The following LRP1B variants were observed in gnomAD, a reference collection of about 807,000 sequenced individuals.
LRP1B encodes the protein low-density lipoprotein receptor-related protein 1B.
A neutral mutation model predicts 556.6 loss-of-function variants in LRP1B; 217 were observed. The ratio of observed to expected loss-of-function variants is 0.39; its 90% confidence interval spans 0.35 to 0.44. The LOEUF (loss-of-function observed/expected upper bound fraction) is 0.44, where lower values mean the gene tolerates loss of function less well. Ranked by LOEUF, LRP1B falls within the 20% of genes least tolerant of loss-of-function variation. The pLI is 1.00. For missense variants in LRP1B, 5,053 were observed against 5,620.8 expected, an observed-to-expected ratio of 0.90 and a Z score of 3.23; for synonymous variants, 2,047 against 1,865.8, an observed-to-expected ratio of 1.10 and a Z score of -2.50.
intron 5 of LRP1B, among the ~76,000 whole-genome samples, chr2:141,246,597 T>C (rs183067154): frequency 6.6e-6 from 1 of 152,328 alleles, no homozygotes; most frequent in Non-Finnish European, 1.5e-5. Context: ...ACTATCATAG[T>C]AGTCCAGGAG....
In LRP1B at chr2:141,732,827, A is replaced by T. The variant is rs142443919; in HGVS notation, c.205+77452T>A. ...CGCATAGACTATAAGTTTAGTTGTA[A>T]CTTGATTGACTACGGAAGTAACTAA... On this transcript the variant is annotated intron_variant, in intron 2 of 90. Coordinates refer to ENST00000389484, the MANE Select transcript of LRP1B (RefSeq NM_018557.3). Among the ~76,000 whole-genome samples the T allele has an allele frequency of 1.0e-3, 159 of 152,276 alleles. 1 individual carries two copies. Among genetic ancestry groups the T allele is most frequent in the African/African-American group, 3.5e-3 (144 of 41,572 alleles).
rs1574047043 is a variant in LRP1B at position 141,527,056 on chromosome 2, G to T, written c.206-46523C>A. Among the ~76,000 whole-genome samples, 4 of 152,178 alleles carry T rather than the reference G, an allele frequency of 2.6e-5. No individual in the cohort carries two copies. The East Asian group carries it at 7.7e-4, about 29-fold the overall frequency. ...ATGTTTCAAGTGACCATTCAAAACT[G>T]TACCTAGTCATGGGGTGGACACCAA... On this transcript the variant is annotated intron_variant, in intron 2 of 90. Coordinates refer to ENST00000389484, the MANE Select transcript of LRP1B (RefSeq NM_018557.3).
chr2:141,824,870 G>A (rs7576202), intron 1 of LRP1B, among the ~76,000 whole-genome samples: 16,721 of 152,118 alleles, frequency 0.11, 1,188 homozygotes, highest in Middle Eastern at 0.19. Flanking sequence ...CCAATGTGTC[G>A]AGGGAGGGAC....
chr2:140,286,201 A>G (rs1473678852), intron 84 of LRP1B, among the ~76,000 whole-genome samples: 1 of 151,890 alleles, frequency 6.6e-6, no homozygotes, highest in Non-Finnish European at 1.5e-5. Flanking sequence ...GGCAGAGAAC[A>G]AGAGTAATAC....
intron 1 of LRP1B, among the ~76,000 whole-genome samples, chr2:141,970,784 G>A (rs1236235171): frequency 6.6e-6 from 1 of 151,464 alleles, no homozygotes; most frequent in Non-Finnish European, 1.5e-5. Flanking sequence ...AATTTCCAAA[G>A]GATAAAGAAA....
At chr2:140,666,186 G>T (rs1424606682) in intron 41 of LRP1B, among the ~76,000 whole-genome samples, 1 of 151,452 alleles carries the variant, frequency 6.6e-6, no homozygotes, top group African/African-American at 2.4e-5. Context: ...GTAGAGGCGG[G>T]GCTTCACCAT....
At chr2:140,921,881 C>G (rs908632202) in intron 21 of LRP1B, among the ~76,000 whole-genome samples, 2 of 150,970 alleles carry the variant, frequency 1.3e-5, no homozygotes, top group African/African-American at 4.9e-5. Flanking sequence ...ACATCAGCCC[C>G]CGTGGCTTTC....
intron 3 of LRP1B, among the ~76,000 whole-genome samples, chr2:141,255,843 T>A (rs752714236): frequency 6.6e-6 from 1 of 151,808 alleles, no homozygotes; most frequent in Non-Finnish European, 1.5e-5. Context: ...AAAAATCCCA[T>A]CCCCTCTCAC....
rs577657426 is a variant in LRP1B, at chr2:141,750,921, A to C, written c.205+59358T>G. On this transcript the variant is annotated intron_variant, in intron 2 of 90. Transcript: ENST00000389484. ...CAGCATTTTCAAACTTTTTGAATGA[A>C]TTTCATGATAAAACCTTTACAGTAT... is the stretch of plus-strand genomic sequence containing the variant. Among the ~76,000 whole-genome samples, 408 of 152,120 alleles carry C rather than the reference A, an allele frequency of 2.7e-3. 1 individual carries two copies. Among genetic ancestry groups the C allele is most frequent in the Non-Finnish European group, 4.5e-3 (308 of 67,938 alleles).
At chr2:140,323,747 AAAGTCTAGTGACATCAAAAT>A (rs1356617472) in intron 81 of LRP1B, 126 bp downstream of exon 81, 1 of 400,890 alleles carries the variant, frequency 2.5e-6, no homozygotes, top group African/African-American at 2.1e-5. Flanking sequence ...GTAAGTTGAA[AAAGTCTAGTGACATCAAAAT>A]TAAAGTTACT....
chr2:141,472,755 T>C (rs1682524518), intron 3 of LRP1B, among the ~76,000 whole-genome samples: 1 of 152,088 alleles, frequency 6.6e-6, no homozygotes, highest in South Asian at 2.1e-4. Context: ...TACCTCCTTT[T>C]AACTTAAAGC....
At chr2:141,621,836 A>G (rs1394818913) in intron 2 of LRP1B, among the ~76,000 whole-genome samples, 1 of 152,160 alleles carries the variant, frequency 6.6e-6, no homozygotes, top group Non-Finnish European at 1.5e-5. Flanking sequence ...GGAAAAGTCG[A>G]TCCAAAAATA....
At position 140,994,062 on chromosome 2, in the gene LRP1B, T is replaced by C. The variant is rs367806692; in HGVS notation, c.2577A>G (p.Gln859=). Residue 859 remains glutamine (Q), a synonymous_variant, in exon 16 of 91, where the codon CAA becomes CAG. Transcript: ENST00000389484. Reference sequence around the variant, plus strand: ...CGTCGCCATCACATTTCCACCGAGCTTGGATACAGTGTCTGTTTTTGCAGC... The same window carrying C: ...CGTCGCCATCACATTTCCACCGAGCCTGGATACAGTGTCTGTTTTTGCAGC... ...EFRCKNRHCI[Q]ARWKCDGDDD... is the part of the protein sequence containing the mutation. 8 of 1,612,688 alleles carry C rather than the reference T, an allele frequency of 5.0e-6. No homozygotes were observed. In the African/African-American group the frequency reaches 9.4e-5, roughly 19 times the overall value.
intron 1 of LRP1B, among the ~76,000 whole-genome samples, chr2:141,833,659 G>T (rs1697177632): frequency 6.6e-6 from 1 of 151,720 alleles, no homozygotes; most frequent in South Asian, 2.1e-4. Context: ...AATGCACATT[G>T]CCAAGAGCGA....
intron 82 of LRP1B, among the ~76,000 whole-genome samples, chr2:140,320,198 A>G (rs2105048361): frequency 6.6e-6 from 1 of 150,990 alleles, no homozygotes; most frequent in Non-Finnish European, 1.5e-5. Flanking sequence ...TAATAGTTTT[A>G]ACTCTGTCTC....
chr2:140,991,707 A>G lies in LRP1B; in HGVS notation c.2645-2050T>C, dbSNP rs374424798. Reference sequence around the variant, plus strand: ...GAATTGTACAGCAGATGAATGTTTAACTCCAAATGGCTGTATTGAGAGTCA... The same window carrying G: ...GAATTGTACAGCAGATGAATGTTTAGCTCCAAATGGCTGTATTGAGAGTCA... On this transcript the variant is annotated intron_variant, in intron 16 of 90. Coordinates refer to ENST00000389484, the MANE Select transcript of LRP1B (RefSeq NM_018557.3). Among the ~76,000 whole-genome samples the G allele has an allele frequency of 2.6e-5, 4 of 152,146 alleles. No homozygotes were observed. In the East Asian group the frequency reaches 7.7e-4, roughly 29 times the overall value.
In LRP1B at chr2:141,012,999, T is replaced by G. The variant is rs548636726; in HGVS notation, c.2380+557A>C. On this transcript the variant is annotated intron_variant, in intron 14 of 90. Transcript: ENST00000389484. ...TGTCCTAATGAGTATTAATAACTTATGCAAGTAAAACATAAAATAATATTA... is the reference window on the plus strand; with the variant it reads ...TGTCCTAATGAGTATTAATAACTTAGGCAAGTAAAACATAAAATAATATTA... Among the ~76,000 whole-genome samples the G allele has an allele frequency of 4.7e-5, 7 of 149,938 alleles. 1 individual carries two copies. The South Asian group carries it at 1.5e-3, about 32-fold the overall frequency.
chr2:141,167,116 A>G (rs1680301805), intron 7 of LRP1B: 1 of 151,878 alleles, frequency 6.6e-6, no homozygotes, highest in South Asian at 2.1e-4. Context: ...ACAGTCTTAA[A>G]TATAAGTTAT....
chr2:141,621,533 C>T (rs181182544), intron 2 of LRP1B, among the ~76,000 whole-genome samples: 221 of 152,196 alleles, frequency 1.5e-3, no homozygotes, highest in Middle Eastern at 3.4e-3. Flanking sequence ...TTAAACTACA[C>T]GTAAGATTAA....
Sources: allele counts gnomAD v4.1 joint callset (sites outside exome capture counted in the v4.1 genomes callset), GRCh38; gene constraint gnomAD v4.1.1; transcripts MANE v1.5; gene names NCBI Gene and HGNC (gene_info 2026-07-23, HGNC 2026-07-21).